The following PPP2R5D variants were observed in gnomAD, a reference collection of about 807,000 sequenced individuals.
The protein encoded by PPP2R5D is serine/threonine-protein phosphatase 2A 56 kDa regulatory subunit delta isoform.
Under a neutral mutation model 79.1 loss-of-function variants are expected in PPP2R5D, and 12 were observed. The ratio of observed to expected loss-of-function variants is 0.15; its 90% CI spans 0.10 to 0.25. The LOEUF (loss-of-function observed/expected upper bound fraction) is 0.25. PPP2R5D is among the 10% of genes least tolerant of loss of function. PPP2R5D has a pLI of 1.00. For synonymous variants in PPP2R5D, 277 were observed against 286.6 expected (o/e 0.97, Z 0.34); for missense variants, 419 against 760.2 (o/e 0.55, Z 5.28).
At chr6:43,004,487 G>A (rs1373541800) in intron 2 of PPP2R5D, among the ~76,000 whole-genome samples, 1 of 151,030 alleles carries the variant, frequency 6.6e-6, no homozygotes, top group Non-Finnish European at 1.5e-5. Context: ...TTCCTCATTA[G>A]ATTCCTTTAG....
chr6:42,998,044 T>TATATATATAC (rs1771885791), intron 2 of PPP2R5D, among the ~76,000 whole-genome samples: 3 of 29,260 alleles, frequency 1.0e-4, no homozygotes, highest in African/African-American at 2.8e-4. Flanking sequence ...TATATATATA[T>TATATATATAC]ATATATATAT....
In PPP2R5D at chr6:43,007,994, G is replaced by A. The variant is rs1581855656; in HGVS notation, c.786G>A (p.Leu262=). The A allele has an allele frequency of 3.1e-6, 5 of 1,614,046 alleles. No individual in the cohort carries two copies. In the African/African-American group the frequency reaches 6.7e-5, roughly 22 times the overall value. ...AGCGGGACTTCCTCAAGACCATTTT[G>A]CATCGCATCTATGGCAAGTTTTTGG... ...PRERDFLKTI[L]HRIYGKFLGL... Residue 262 remains leucine, a synonymous_variant, in exon 7 of 16, where the codon TTG becomes TTA. Transcript: ENST00000485511. The surrounding 1 kb of genome is among the most constrained non-coding windows in gnomAD (Gnocchi z 4.5).
chr6:43,007,653 C>T lies in PPP2R5D; in HGVS notation c.726+147C>T. On this transcript the variant is annotated intron_variant, in intron 6 of 15. Transcript: ENST00000485511. This position sits in a 1 kb window ranked among gnomAD's most constrained non-coding sequence, Gnocchi z 4.5. Reference sequence around the variant, plus strand: ...AGGCTATAAAGGGTAAAAAACAAAACAAAACAAAACCCTACTCTGGCCTTA... The same window carrying T: ...AGGCTATAAAGGGTAAAAAACAAAATAAAACAAAACCCTACTCTGGCCTTA... The T allele has an allele frequency of 1.1e-6, 1 of 907,398 alleles. No homozygotes were observed. Among genetic ancestry groups the T allele is most frequent in the Non-Finnish European group, 1.7e-6 (1 of 597,190 alleles). The allele number at this position is 907,398 out of a possible 1,614,324, so 56.2% of individuals were successfully genotyped here.
At chr6:43,002,769 T>C (rs4714651) in intron 2 of PPP2R5D, among the ~76,000 whole-genome samples, 43,512 of 151,954 alleles carry the variant, frequency 0.29, 10,165 homozygotes, top group African/African-American at 0.64. Flanking sequence ...CTGTCTTCCT[T>C]CCCTCCCCCA....
At chr6:43,000,786 G>T (rs963081777) in intron 2 of PPP2R5D, among the ~76,000 whole-genome samples, 1 of 152,222 alleles carries the variant, frequency 6.6e-6, no homozygotes, top group Admixed American at 6.5e-5. Flanking sequence ...CTGAGTTGGG[G>T]CAGGAGAGGA....
intron 2 of PPP2R5D, among the ~76,000 whole-genome samples, chr6:43,000,641 C>T (rs578128112): frequency 6.6e-6 from 1 of 152,156 alleles, no homozygotes; most frequent in Non-Finnish European, 1.5e-5. Flanking sequence ...TGTGGAAGTA[C>T]AGGGTGTCTG....
intron 2 of PPP2R5D, among the ~76,000 whole-genome samples, chr6:43,001,065 G>GAAA (rs1177583952): frequency 1.3e-5 from 2 of 152,226 alleles, no homozygotes; most frequent in Non-Finnish European, 2.9e-5. Context: ...CCAAGGGCTG[G>GAAA]AAAGATCTGA....
At chr6:42,992,715 C>T (rs183068895) in intron 2 of PPP2R5D, among the ~76,000 whole-genome samples, 3 of 152,138 alleles carry the variant, frequency 2.0e-5, no homozygotes, top group African/African-American at 4.8e-5. Context: ...TCCAGCCACA[C>T]GGGAGGCTGA....
At position 43,010,653 on chromosome 6, in the gene PPP2R5D, T is replaced by C. The variant is rs377457563; in HGVS notation, c.1482-11T>C. 3.6e-5 allele frequency: 58 copies of C among 1,614,050 alleles called. 1 individual carries two copies. In the Middle Eastern group the frequency reaches 4.9e-4, roughly 14 times the overall value. ...CTCAAGCCCAACCCCAATCCTACTT[T>C]TGCTCCTCAGGGGCCGGTTCCGAAT... On this transcript the variant is annotated splice_polypyrimidine_tract_variant and intron_variant, in intron 13 of 15. Coordinates refer to ENST00000485511, the MANE Select transcript of PPP2R5D (RefSeq NM_006245.4). This position sits in a 1 kb window ranked among gnomAD's most constrained non-coding sequence, Gnocchi z 4.7.
chr6:42,997,772 CTG>C (rs1771808964), intron 2 of PPP2R5D, among the ~76,000 whole-genome samples: 1 of 151,286 alleles, frequency 6.6e-6, no homozygotes, highest in Non-Finnish European at 1.5e-5. Flanking sequence ...TCTCCAACTC[CTG>C]ACCTCAGGCG....
chr6:43,009,480 G>A lies in PPP2R5D; in HGVS notation c.1379+31G>A. 1 of 1,613,502 alleles carries A rather than the reference G, an allele frequency of 6.2e-7. No homozygotes were observed. Among genetic ancestry groups the A allele is most frequent in the Admixed American group, 1.7e-5 (1 of 59,992 alleles). On this transcript the variant is annotated intron_variant, in intron 12 of 15. Coordinates refer to ENST00000485511, the MANE Select transcript of PPP2R5D (RefSeq NM_006245.4). This position sits in a 1 kb window ranked among gnomAD's most constrained non-coding sequence, Gnocchi z 5.6. ...GCGCTGGGGTGGGGCTGGGTGGTGG[G>A]GATCCAGTTTGGGAAACTTTGAGGG...
At chr6:42,991,359 C>T (rs1771251173) in intron 2 of PPP2R5D, among the ~76,000 whole-genome samples, 1 of 152,142 alleles carries the variant, frequency 6.6e-6, no homozygotes, top group South Asian at 2.1e-4. Context: ...GGGGAGTTCC[C>T]ACCTTTTGCC....
Position 43,007,408 on chromosome 6 carries a change from C to T in PPP2R5D, c.634-6C>T. On this transcript the variant is annotated splice_polypyrimidine_tract_variant and splice_region_variant and intron_variant, in intron 5 of 15. Coordinates refer to ENST00000485511, the MANE Select transcript of PPP2R5D (RefSeq NM_006245.4). The surrounding 1 kb of genome is among the most constrained non-coding windows in gnomAD (Gnocchi z 4.5). ...TCCCCTCAGTGGCGTGCCTTTTCCC[C>T]TATAGCTCGTGTATGAGTTCTTCTT... 6.2e-7 allele frequency: 1 copy of T among 1,611,732 alleles called. No individual in the cohort carries two copies. The highest frequency in any genetic ancestry group is 8.5e-7 in the Non-Finnish European group (1 of 1,177,788).
At position 43,007,174 on chromosome 6, in the gene PPP2R5D, T is replaced by G; in HGVS notation, c.523-22T>G. ...GGCTCTGGAGAAGCCCAGGTGGAGC[T>G]CTAACTGGCCCTACCCCTCAGTTTT... On this transcript the variant is annotated intron_variant, in intron 4 of 15. Coordinates refer to ENST00000485511, the MANE Select transcript of PPP2R5D (RefSeq NM_006245.4). The surrounding 1 kb of genome is among the most constrained non-coding windows in gnomAD (Gnocchi z 4.5). 6.2e-7 allele frequency: 1 copy of G among 1,613,960 alleles called. No homozygotes were observed. The highest frequency in any genetic ancestry group is 8.5e-7 in the Non-Finnish European group (1 of 1,179,938).
At position 43,011,441 on chromosome 6, in the gene PPP2R5D, C is replaced by A; in HGVS notation, c.*155C>A. On this transcript the variant is annotated 3_prime_UTR_variant, in exon 16 of 16. Coordinates refer to ENST00000485511, the MANE Select transcript of PPP2R5D (RefSeq NM_006245.4). ...ATGTGGGCACTTGAAGCAGGGACAC[C>A]CACAGAATGGTCCCTCTTCTCCCCA... is the stretch of plus-strand genomic sequence containing the variant. 2 of 1,013,282 alleles carry A rather than the reference C, an allele frequency of 2.0e-6. No homozygotes were observed. The highest frequency in any genetic ancestry group is 1.7e-5 in the South Asian group (1 of 60,076). The allele number at this position is 1,013,282 out of a possible 1,614,324, so 62.8% of individuals were successfully genotyped here. A position where few individuals can be genotyped will look rare whatever the true frequency, so the allele number is the denominator to read the frequency against.
At chr6:42,991,162 T>C (rs6901782) in intron 2 of PPP2R5D, among the ~76,000 whole-genome samples, 42,967 of 152,116 alleles carry the variant, frequency 0.28, 9,354 homozygotes, top group African/African-American at 0.61. Context: ...TCTGTGTACT[T>C]GTGCAGTTGG....
In PPP2R5D at chr6:43,008,133, TG is replaced by T; in HGVS notation, c.858-62del. 1 of 1,612,698 alleles carries T rather than the reference TG, an allele frequency of 6.2e-7. No individual in the cohort carries two copies. Among genetic ancestry groups the T allele is most frequent in the East Asian group, 2.2e-5 (1 of 44,840 alleles). ...CTGAGGTGGGGTGGGAGCAGGGAGGTGGGGGGACTGTACAGAATGCTGGAGG... is the reference window on the plus strand; with the variant it reads ...CTGAGGTGGGGTGGGAGCAGGGAGGTGGGGGACTGTACAGAATGCTGGAGG... On this transcript the variant is annotated intron_variant, in intron 7 of 15. Transcript: ENST00000485511. This position sits in a 1 kb window ranked among gnomAD's most constrained non-coding sequence, Gnocchi z 4.2.
chr6:42,985,856 C>T, intron 1 of PPP2R5D, among the ~76,000 whole-genome samples: 1 of 151,096 alleles, frequency 6.6e-6, no homozygotes. Context: ...CGGCTCACCA[C>T]AACCTCTGCC....
chr6:43,001,800 T>C (rs970672026), intron 2 of PPP2R5D, among the ~76,000 whole-genome samples: 1 of 151,732 alleles, frequency 6.6e-6, no homozygotes, highest in Non-Finnish European at 1.5e-5. Flanking sequence ...GGCAGGAGAA[T>C]TGCTTGAACC....
Sources: allele counts gnomAD v4.1 joint callset (sites outside exome capture counted in the v4.1 genomes callset), GRCh38; gene constraint gnomAD v4.1.1; non-coding constraint Gnocchi (gnomAD v3.1); transcripts MANE v1.5; gene names NCBI Gene and HGNC (gene_info 2026-07-23, HGNC 2026-07-21).